BCAR3: variants seen among roughly 807,000 people sequenced by gnomAD.
BCAR3 encodes breast cancer anti-estrogen resistance protein 3.
BCAR3 carries 37 observed loss-of-function variants against 80.1 expected under a neutral mutation model. That is an observed-to-expected ratio of 0.46 (90% CI 0.36 to 0.61). BCAR3 has a LOEUF of 0.61. BCAR3 is among the 20% of genes least tolerant of loss of function. BCAR3 has a pLI of 0.00. For synonymous variants in BCAR3, 389 were observed against 418.9 expected (o/e 0.93, Z 0.87); for missense variants, 978 against 1,068.2 (o/e 0.92, Z 1.18).
chr1:93,717,711 C>T (rs1445023413), intron 2 of BCAR3, among the ~76,000 whole-genome samples: 2 of 144,196 alleles, frequency 1.4e-5, no homozygotes, highest in Non-Finnish European at 3.0e-5. Flanking sequence ...CTGCACGAGA[C>T]TCCACCTCAA....
At chr1:93,656,959 T>C (rs1202850902) in intron 2 of BCAR3, among the ~76,000 whole-genome samples, 1 of 152,174 alleles carries the variant, frequency 6.6e-6, no homozygotes, top group Non-Finnish European at 1.5e-5. Flanking sequence ...TGTGTATGGT[T>C]GTTTCTGAAA....
At chr1:93,840,429 C>T (rs1467286688) in intron 2 of BCAR3, among the ~76,000 whole-genome samples, 3 of 152,150 alleles carry the variant, frequency 2.0e-5, no homozygotes, top group Non-Finnish European at 4.4e-5. Context: ...TGCGTTATTA[C>T]TTCATTATTA....
intron 2 of BCAR3, among the ~76,000 whole-genome samples, chr1:93,817,435 T>A (rs2100813470): frequency 6.6e-6 from 1 of 152,356 alleles, no homozygotes; most frequent in East Asian, 1.9e-4. Flanking sequence ...TATCTCACTG[T>A]ATTAACCTCA....
chr1:93,764,721 G>A (rs1456340692), intron 2 of BCAR3, among the ~76,000 whole-genome samples: 3 of 152,054 alleles, frequency 2.0e-5, no homozygotes, highest in Non-Finnish European at 4.4e-5. Flanking sequence ...CCTCTCACCC[G>A]GGCTTCCACA....
intron 2 of BCAR3, among the ~76,000 whole-genome samples, chr1:93,842,461 T>C (rs752383829): frequency 6.6e-6 from 1 of 152,194 alleles, no homozygotes; most frequent in Non-Finnish European, 1.5e-5. Context: ...TGGACTATCA[T>C]CCTTTCTATA....
At chr1:93,634,333 G>C (rs1370714886) in intron 3 of BCAR3, among the ~76,000 whole-genome samples, 1 of 152,124 alleles carries the variant, frequency 6.6e-6, no homozygotes, top group Non-Finnish European at 1.5e-5. Context: ...TTGAATCATG[G>C]GGGCAGGTCT....
In BCAR3 at chr1:93,589,918, T is replaced by C. The variant is rs187158308; in HGVS notation, c.487-499A>G. On this transcript the variant is annotated intron_variant, in intron 4 of 11. Coordinates refer to ENST00000260502, the MANE Select transcript of BCAR3 (RefSeq NM_003567.4). Reference sequence around the variant, plus strand: ...AAACAGGAAATAAGAAATGAGAAAATGTGTGCCTGGCAGGCCTGATTTTCC... The same window carrying C: ...AAACAGGAAATAAGAAATGAGAAAACGTGTGCCTGGCAGGCCTGATTTTCC... Among the ~76,000 whole-genome samples, 110 of 151,946 alleles carry C rather than the reference T, an allele frequency of 7.2e-4. 1 individual carries two copies. The highest frequency in any genetic ancestry group is 6.5e-3 in the Admixed American group (99 of 15,266).
chr1:93,693,297 C>T (rs527449114), intron 3 of BCAR3, among the ~76,000 whole-genome samples: 2 of 152,298 alleles, frequency 1.3e-5, no homozygotes, highest in African/African-American at 2.4e-5. Context: ...CTGCCCTAAC[C>T]TCTTCCTCAC....
Position 93,710,355 on chromosome 1 carries a change from C to T in BCAR3, c.-62-4213G>A, listed in dbSNP as rs1571065219. 3.3e-5 allele frequency among the ~76,000 whole-genome samples: 5 copies of T among 152,208 alleles called. No individual in the cohort carries two copies. In the South Asian group the frequency reaches 8.3e-4, roughly 25 times the overall value. On this transcript the variant is annotated intron_variant, in intron 2 of 13. Coordinates refer to the BCAR3 transcript ENST00000370244. ...CCCATACCATGCTGGATGTTTGCTA[C>T]GTCTCCCTTTGCCTCTTCCCTTGGA...
intron 2 of BCAR3, among the ~76,000 whole-genome samples, chr1:93,764,453 C>G (rs1433022615): frequency 6.6e-6 from 1 of 152,152 alleles, no homozygotes; most frequent in East Asian, 1.9e-4. Flanking sequence ...CCTCCCTCCC[C>G]TCTCCCACCC....
At chr1:93,735,492 T>G (rs1650943909) in intron 2 of BCAR3, among the ~76,000 whole-genome samples, 1 of 152,232 alleles carries the variant, frequency 6.6e-6, no homozygotes, top group South Asian at 2.1e-4. Flanking sequence ...AAAAAATTAT[T>G]AAAATGTGCT....
intron 2 of BCAR3, among the ~76,000 whole-genome samples, chr1:93,660,458 T>C (rs1038018626): frequency 1.3e-5 from 2 of 152,192 alleles, no homozygotes; most frequent in Non-Finnish European, 2.9e-5. Context: ...CAGACAGAGT[T>C]TACCATAGGG....
chr1:93,657,026 G>A (rs1647423891), intron 2 of BCAR3, among the ~76,000 whole-genome samples: 1 of 152,164 alleles, frequency 6.6e-6, no homozygotes, highest in Non-Finnish European at 1.5e-5. Flanking sequence ...TGTTGAGCAA[G>A]TTTTCATCCA....
chr1:93,584,217 A>T, intron 5 of BCAR3, 96 bp from the exon 6 acceptor site: 1 of 1,097,338 alleles, frequency 9.1e-7, no homozygotes, highest in South Asian at 1.6e-5. Flanking sequence ...AACAAAAAAA[A>T]AGAAAACTGC....
At chr1:93,672,688 T>C (rs1176760720) in intron 2 of BCAR3, among the ~76,000 whole-genome samples, 1 of 152,208 alleles carries the variant, frequency 6.6e-6, no homozygotes, top group Non-Finnish European at 1.5e-5. Context: ...GCCAACTTTC[T>C]GAGCTGGGAG....
intron 11 of BCAR3, among the ~76,000 whole-genome samples, chr1:93,564,693 G>A (rs1672867098): frequency 6.6e-6 from 1 of 152,174 alleles, no homozygotes; most frequent in Non-Finnish European, 1.5e-5. Context: ...TATTGTGTAT[G>A]GTATGAGGTA....
intron 7 of BCAR3, among the ~76,000 whole-genome samples, chr1:93,579,797 A>G (rs1447012336): frequency 6.6e-6 from 1 of 152,212 alleles, no homozygotes; most frequent in Non-Finnish European, 1.5e-5. Flanking sequence ...ACGCAGGTTC[A>G]TACCAGGCCA....
chr1:93,596,396 C>G (rs1394767765), intron 3 of BCAR3, among the ~76,000 whole-genome samples: 1 of 152,212 alleles, frequency 6.6e-6, no homozygotes, highest in African/African-American at 2.4e-5. Flanking sequence ...TAGCTCATTT[C>G]CAACTCTCTC....
chr1:93,579,317 T>C (rs573776779), intron 7 of BCAR3, among the ~76,000 whole-genome samples: 13 of 152,300 alleles, frequency 8.5e-5, no homozygotes, highest in African/African-American at 3.1e-4. Context: ...GAGATGCTGA[T>C]TGTGCCCGCT....
Sources: allele counts gnomAD v4.1 joint callset (sites outside exome capture counted in the v4.1 genomes callset), GRCh38; gene constraint gnomAD v4.1.1; transcripts MANE v1.5; gene names NCBI Gene and HGNC (gene_info 2026-07-23, HGNC 2026-07-21).